Variants in MCFD2 observed in about 807,000 individuals in gnomAD.
MCFD2 encodes multiple coagulation factor deficiency 2, ER cargo receptor complex subunit, also known as multiple coagulation factor deficiency protein 2.
In MCFD2, 11 loss-of-function variants were observed where a neutral mutation model predicts 12.8. The observed-to-expected ratio is 0.86, with a 90% confidence interval of 0.54 to 1.42. MCFD2 has a LOEUF of 1.42. MCFD2 is among the 40% of genes most tolerant of loss of function. The pLI, the probability that MCFD2 is intolerant of heterozygous loss-of-function variation, is 0.00. For missense variants in MCFD2, 191 were observed against 178.6 expected (o/e 1.07, Z -0.40); for synonymous variants, 70 against 68.1 (o/e 1.03, Z -0.14).
chr2:46,909,485 G>A (rs1572612413), intron 1 of MCFD2, among the ~76,000 whole-genome samples: 1 of 148,834 alleles, frequency 6.7e-6, no homozygotes, highest in African/African-American at 2.6e-5. Context: ...TCCCCTGAAA[G>A]AAATATTTTC....
At chr2:46,917,657 C>T (rs1175737857), upstream of MCFD2, among the ~76,000 whole-genome samples, 1 of 152,170 alleles carries the variant, frequency 6.6e-6, no homozygotes, top group East Asian at 1.9e-4. Context: ...TCTACAGTCA[C>T]TCCCTCTCTA....
chr2:46,915,788 A>G lies in MCFD2; in HGVS notation c.-72T>C, dbSNP rs1281988655. 5 of 889,636 alleles carry G rather than the reference A, an allele frequency of 5.6e-6. No individual in the cohort carries two copies. In the South Asian group the frequency reaches 2.8e-4, roughly 50 times the overall value. 55.1% of individuals were successfully genotyped at this position (889,636 alleles called of 1,614,324 possible). On this transcript the variant is annotated 5_prime_UTR_variant, in exon 1 of 4. Transcript: ENST00000319466. ...AGCCTCACCAGCCCCCGTCCCCAAA[A>G]CGCTCTTCCTCGGCTTCGCCCCGCC...
At chr2:46,915,824 C>CCG (rs1668740701), upstream of MCFD2, 1 of 267,406 alleles carries the variant, frequency 3.7e-6, no homozygotes. Context: ...CCCCCCCCCC[C>CCG]CCCGACCTGC....
chr2:46,913,590 A>C (rs1668572471), intron 1 of MCFD2: 1 of 152,290 alleles, frequency 6.6e-6, no homozygotes, highest in Non-Finnish European at 1.5e-5. Context: ...AACAGCCTGA[A>C]GATAAGCCCC....
chr2:46,922,907 C>G (rs1669180664), intron 1 of MCFD2, among the ~76,000 whole-genome samples: 1 of 152,216 alleles, frequency 6.6e-6, no homozygotes, highest in Non-Finnish European at 1.5e-5. Flanking sequence ...CCACCAGTCG[C>G]AAGTCCAAGG....
intron 1 of MCFD2, among the ~76,000 whole-genome samples, chr2:46,922,949 A>C (rs555471687): frequency 6.6e-6 from 1 of 152,314 alleles, no homozygotes; most frequent in African/African-American, 2.4e-5. Context: ...TAGCTTTTAG[A>C]TGGATTTCCC....
At chr2:46,934,452 T>C (rs913180828) in intron 1 of MCFD2, among the ~76,000 whole-genome samples, 3 of 152,090 alleles carry the variant, frequency 2.0e-5, no homozygotes, top group South Asian at 2.1e-4. Flanking sequence ...AGAGACAGGG[T>C]TTTGCCATGT....
Position 46,915,804 on chromosome 2 carries a change from T to TGGGGGGGGGGGGGGGGGGGGGGGGGGGG in MCFD2, c.-89_-88insCCCCCCCCCCCCCCCCCCCCCCCCCCCC. The stretch of plus-strand genomic sequence containing the variant: ...GTCCCCAAAACGCTCTTCCTCGGCT[T>TGGGGGGGGGGGGGGGGGGGGGGGGGGGG]CGCCCCGCCCCCCCCCCCCCCCCGA... On this transcript the variant is annotated 5_prime_UTR_variant, in exon 1 of 4. Transcript: ENST00000319466. 1.2e-5 allele frequency: 7 copies of TGGGGGGGGGGGGGGGGGGGGGGGGGGGG among 568,430 alleles called. No homozygotes were observed. Among genetic ancestry groups the TGGGGGGGGGGGGGGGGGGGGGGGGGGGG allele is most frequent in the Non-Finnish European group, 1.4e-5 (7 of 510,736 alleles). The allele number at this position is 568,430 out of a possible 1,614,324, so 35.2% of individuals were successfully genotyped here. A position where few individuals can be genotyped will look rare whatever the true frequency, so the allele number is the denominator to read the frequency against.
rs4583513 is a variant in MCFD2, at chr2:46,940,847, T to C, written c.-8+725A>G. 0.059 allele frequency among the ~76,000 whole-genome samples: 8,898 copies of C among 152,044 alleles called. 324 individuals are homozygous for C. The highest frequency in any genetic ancestry group is 0.093 in the African/African-American group (3,864 of 41,492). ...GAGGCTCGCCGTCGGGGTTGGGGCC[T>C]GTCGGCCGGCCTCTCCCCATTTTTG... On this transcript the variant is annotated intron_variant, in intron 1 of 2. Transcript: ENST00000409147. This position sits in a 1 kb window ranked among gnomAD's most constrained non-coding sequence, Gnocchi z 4.7.
upstream of MCFD2, among the ~76,000 whole-genome samples, chr2:46,918,820 C>T (rs779474133): frequency 1.1e-4 from 16 of 152,146 alleles, no homozygotes; most frequent in African/African-American, 1.7e-4. Context: ...AAGAGAAGGG[C>T]AACTCTACGT....
intron 1 of MCFD2, among the ~76,000 whole-genome samples, chr2:46,911,587 C>T (rs1446222901): frequency 6.6e-6 from 1 of 151,988 alleles, no homozygotes; most frequent in Non-Finnish European, 1.5e-5. Context: ...GTATTTCCTA[C>T]ACAAACTAAT....
chr2:46,906,455 T>C (rs1668240710), intron 3 of MCFD2, among the ~76,000 whole-genome samples: 1 of 151,342 alleles, frequency 6.6e-6, no homozygotes. Context: ...GGGAATGACA[T>C]TAAATGTGGA....
intron 3 of MCFD2, chr2:46,905,913 T>G (rs1319405433): frequency 2.0e-6 from 1 of 495,580 alleles, no homozygotes; most frequent in Non-Finnish European, 4.1e-6. Flanking sequence ...ATTTGTTTCA[T>G]TATGGCTCAT....
At chr2:46,915,807 C>CGGGGGGGGGGGGGGGGGGG, upstream of MCFD2, 2 of 84,836 alleles carry the variant, frequency 2.4e-5, no homozygotes, top group Non-Finnish European at 2.9e-5. Flanking sequence ...CTCGGCTTCG[C>CGGGGGGGGGGGGGGGGGGG]CCCGCCCCCC....
intron 1 of MCFD2, chr2:46,913,877 T>G (rs1668582774): frequency 6.5e-6 from 1 of 152,938 alleles, no homozygotes; most frequent in African/African-American, 2.4e-5. Context: ...CCAACTTCCT[T>G]CCAGGACAGG....
chr2:46,919,033 G>A (rs1668960609), upstream of MCFD2, among the ~76,000 whole-genome samples: 1 of 152,194 alleles, frequency 6.6e-6, no homozygotes, highest in African/African-American at 2.4e-5. Context: ...CAAGATACCA[G>A]AATGGCCTCT....
intron 1 of MCFD2, among the ~76,000 whole-genome samples, chr2:46,930,229 T>C (rs936161701): frequency 8.5e-5 from 13 of 152,094 alleles, no homozygotes; most frequent in African/African-American, 3.1e-4. Flanking sequence ...AAACTGGTTC[T>C]TTTTTCAAAA....
intron 1 of MCFD2, among the ~76,000 whole-genome samples, chr2:46,922,131 G>C (rs1669137092): frequency 6.6e-6 from 1 of 152,074 alleles, no homozygotes; most frequent in Non-Finnish European, 1.5e-5. Context: ...TGAGCAGGCT[G>C]GCTAGGGTCA....
intron 3 of MCFD2, 106 bp from the exon 4 acceptor site, chr2:46,905,700 A>T: frequency 1.9e-6 from 2 of 1,055,684 alleles, no homozygotes; most frequent in East Asian, 5.6e-5. Context: ...TTTATTAAAA[A>T]AAAAAAAAAA....
Sources: gnomAD v4.1 joint callset for allele counts (sites outside exome capture counted in the v4.1 genomes callset) on GRCh38, gnomAD v4.1.1 for gene constraint, Gnocchi (gnomAD v3.1) non-coding constraint, MANE v1.5 for transcripts, NCBI Gene and HGNC (gene_info 2026-07-23, HGNC 2026-07-21) for gene names.